Variants in SPRED1 observed in about 807,000 individuals in gnomAD.
The protein encoded by SPRED1 is sprouty related EVH1 domain containing 1.
A neutral mutation model predicts 52.3 loss-of-function variants in SPRED1; 18 were observed. That is an observed-to-expected ratio of 0.34 (90% CI 0.24 to 0.51). The LOEUF (loss-of-function observed/expected upper bound fraction) is 0.51. SPRED1 is among the 20% of genes least tolerant of loss of function. SPRED1 has a pLI of 0.97. For missense variants in SPRED1, 485 were observed against 551.0 expected (o/e 0.88, Z 1.20); for synonymous variants, 155 against 179.7 (o/e 0.86, Z 1.10).
At chr15:38,277,832 T>A (rs1410269169) in intron 1 of SPRED1, among the ~76,000 whole-genome samples, 1 of 152,154 alleles carries the variant, frequency 6.6e-6, no homozygotes, top group Non-Finnish European at 1.5e-5. Flanking sequence ...TGGTATCTTT[T>A]GGTTTTGATT....
intron 1 of SPRED1, among the ~76,000 whole-genome samples, chr15:38,269,311 C>T (rs1894379716): frequency 6.6e-6 from 1 of 152,158 alleles, no homozygotes. Flanking sequence ...GTGGCACAAT[C>T]ACAGCACGCT....
chr15:38,253,709 C>T (rs1894032302), intron 1 of SPRED1, among the ~76,000 whole-genome samples: 1 of 152,106 alleles, frequency 6.6e-6, no homozygotes, highest in Non-Finnish European at 1.5e-5. Context: ...ACCCTCTCCC[C>T]CCTCCCCCTT....
intron 5 of SPRED1, among the ~76,000 whole-genome samples, chr15:38,341,013 T>TTTTA (rs56179055): frequency 6.6e-6 from 1 of 150,634 alleles, no homozygotes; most frequent in Non-Finnish European, 1.5e-5. Flanking sequence ...TTTTTTTTTT[T>TTTTA]AGATGGTTTT....
At position 38,337,014 on chromosome 15, in the gene SPRED1, C is replaced by CT. The variant is rs774866682; in HGVS notation, c.424-2716dup. 1.4e-3 allele frequency among the ~76,000 whole-genome samples: 208 copies of CT among 152,210 alleles called. 4 individuals are homozygous for CT. Among genetic ancestry groups the CT allele is most frequent in the Middle Eastern group, 6.8e-3 (2 of 294 alleles). ...CTAAAGCTTTTTCCATTTTAGTACT[C>CT]TTTTTTTCTTTGCTAGATTCAAGAA... On this transcript the variant is annotated intron_variant, in intron 4 of 6. Transcript: ENST00000299084.
At chr15:38,262,934 G>A (rs1894232537) in intron 1 of SPRED1, among the ~76,000 whole-genome samples, 2 of 152,174 alleles carry the variant, frequency 1.3e-5, no homozygotes, top group Admixed American at 6.5e-5. Context: ...GTAGACAGTG[G>A]CGACTCAGTA....
At chr15:38,317,578 A>G (rs922673091) in intron 2 of SPRED1, among the ~76,000 whole-genome samples, 10 of 152,016 alleles carry the variant, frequency 6.6e-5, no homozygotes, top group Non-Finnish European at 1.3e-4. Flanking sequence ...TAATATTACT[A>G]TTATCTTAAG....
At chr15:38,307,795 G>A (rs1364152468) in intron 2 of SPRED1, among the ~76,000 whole-genome samples, 4 of 152,044 alleles carry the variant, frequency 2.6e-5, no homozygotes, top group African/African-American at 9.7e-5. Context: ...AACTTTTGTG[G>A]GGAGGGGTAT....
intron 2 of SPRED1, among the ~76,000 whole-genome samples, chr15:38,304,158 T>C (rs1169557548): frequency 2.6e-5 from 4 of 152,194 alleles, no homozygotes; most frequent in Non-Finnish European, 5.9e-5. Flanking sequence ...AGTAGCTTTA[T>C]TAAAAATGAG....
intron 4 of SPRED1, among the ~76,000 whole-genome samples, chr15:38,334,554 A>G (rs1170575703): frequency 1.3e-5 from 2 of 152,080 alleles, no homozygotes; most frequent in Admixed American, 6.6e-5. Context: ...AAAAGTAAAA[A>G]TATGAATCCA....
rs901790502 is a variant in SPRED1 at position 38,355,685 on chromosome 15, T to A, written c.*4021T>A. Reference sequence around the variant, plus strand: ...GTGTAACATTTTTTCCACATAAAACTTAGAAAACTTTAGTTACCTGAAAAG... The same window carrying A: ...GTGTAACATTTTTTCCACATAAAACATAGAAAACTTTAGTTACCTGAAAAG... On this transcript the variant is annotated 3_prime_UTR_variant, in exon 7 of 7. Transcript: ENST00000299084. 1 of 152,218 alleles carries A rather than the reference T, an allele frequency of 6.6e-6. No individual in the cohort carries two copies. Among genetic ancestry groups the A allele is most frequent in the African/African-American group, 2.4e-5 (1 of 41,462 alleles). 9.4% of individuals were successfully genotyped at this position (152,218 alleles called of 1,614,324 possible). A position where few individuals can be genotyped will look rare whatever the true frequency, so the allele number is the denominator to read the frequency against.
In SPRED1 at chr15:38,351,286, A is replaced by C; in HGVS notation, c.957A>C (p.Lys319Asn). 6.2e-7 allele frequency: 1 copy of C among 1,614,156 alleles called. No homozygotes were observed. Among genetic ancestry groups the C allele is most frequent in the Non-Finnish European group, 8.5e-7 (1 of 1,180,022 alleles). The change falls in exon 7 of 7, where the codon AAA (lysine) becomes AAC (asparagine). Residue 319 changes from lysine (K) to asparagine (N), a missense_variant. By Grantham distance (94) the Lys-to-Asn change is moderately conservative. Coordinates refer to ENST00000299084, the MANE Select transcript of SPRED1 (RefSeq NM_152594.3). ...TTAAGACGCAGCCTTCCTCATTAAA[A>C]ATTAAGAAGTCAAAACGAAGAAAAG... ...VVFKTQPSSL[K>N]IKKSKRRKED...
At chr15:38,308,954 C>T (rs1277299400) in intron 2 of SPRED1, among the ~76,000 whole-genome samples, 2 of 152,128 alleles carry the variant, frequency 1.3e-5, no homozygotes, top group African/African-American at 4.8e-5. Flanking sequence ...GGTTTATGAG[C>T]AATCCATTTT....
At chr15:38,294,619 G>A (rs1309128959) in intron 1 of SPRED1, among the ~76,000 whole-genome samples, 1 of 152,136 alleles carries the variant, frequency 6.6e-6, no homozygotes, top group African/African-American at 2.4e-5. Flanking sequence ...GAAAAGAAAG[G>A]TATAGAGAGA....
At chr15:38,253,466 G>A (rs1472748583) in intron 1 of SPRED1, among the ~76,000 whole-genome samples, 1 of 152,148 alleles carries the variant, frequency 6.6e-6, no homozygotes, top group African/African-American at 2.4e-5. Flanking sequence ...GTACGTCTAT[G>A]AGAGGGAATA....
chr15:38,269,467 C>T (rs1278591653), intron 1 of SPRED1, among the ~76,000 whole-genome samples: 1 of 152,110 alleles, frequency 6.6e-6, no homozygotes, highest in Non-Finnish European at 1.5e-5. Context: ...GGGCTGGTCT[C>T]AACTCCTGAG....
At position 38,325,141 on chromosome 15, in the gene SPRED1, C is replaced by T. The variant is rs527278926; in HGVS notation, c.423+332C>T. 2.6e-4 allele frequency among the ~76,000 whole-genome samples: 39 copies of T among 152,032 alleles called. No individual in the cohort carries two copies. In the South Asian group the frequency reaches 7.3e-3, roughly 28 times the overall value. The stretch of plus-strand genomic sequence containing the variant: ...AGCCACCGTGCCTGGCCCCAAAATC[C>T]GAAACTTTTTGAGTATGGACATGAC... On this transcript the variant is annotated intron_variant, in intron 4 of 6. Coordinates refer to ENST00000299084, the MANE Select transcript of SPRED1 (RefSeq NM_152594.3).
At chr15:38,285,836 A>T (rs10852016) in intron 1 of SPRED1, among the ~76,000 whole-genome samples, 1 of 152,112 alleles carries the variant, frequency 6.6e-6, no homozygotes, top group Non-Finnish European at 1.5e-5. Flanking sequence ...TTTAAACTCA[A>T]TTTCCAATAA....
chr15:38,257,086 A>G (rs1191955727), intron 1 of SPRED1, among the ~76,000 whole-genome samples: 1 of 152,148 alleles, frequency 6.6e-6, no homozygotes. Context: ...CATACCTAGA[A>G]TTCCTCTCCT....
chr15:38,281,941 G>C (rs1410553848), intron 1 of SPRED1, among the ~76,000 whole-genome samples: 1 of 152,084 alleles, frequency 6.6e-6, no homozygotes, highest in South Asian at 2.1e-4. Flanking sequence ...TTCAGTATGA[G>C]CTCTTACAGG....
Sources: allele counts gnomAD v4.1 joint callset (sites outside exome capture counted in the v4.1 genomes callset), GRCh38; gene constraint gnomAD v4.1.1; transcripts MANE v1.5; gene names NCBI Gene and HGNC (gene_info 2026-07-23, HGNC 2026-07-21).